The following MS4A18 variants were observed in gnomAD, a reference collection of about 807,000 sequenced individuals.
MS4A18 encodes the protein membrane spanning 4-domains A18, also known as membrane-spanning 4-domains subfamily A member 18.
A neutral mutation model predicts 13.1 loss-of-function variants in MS4A18; 27 were observed. The ratio of observed to expected loss-of-function variants is 2.06; its 90% CI spans 1.52 to 2.84. MS4A18 has a LOEUF of 2.84. Ranked by LOEUF, MS4A18 falls within the 30% of genes most tolerant of loss-of-function variation. The pLI, the probability that MS4A18 is intolerant of heterozygous loss-of-function variation, is 0.00. For synonymous variants in MS4A18, 126 were observed against 76.5 expected (o/e 1.65, Z -3.38); for missense variants, 307 against 196.4 (o/e 1.56, Z -3.37).
At chr11:60,727,869 A>T (rs1418591848), upstream of MS4A18, among the ~76,000 whole-genome samples, 1 of 152,166 alleles carries the variant, frequency 6.6e-6, no homozygotes, top group Non-Finnish European at 1.5e-5. Context: ...AGCATCAAAA[A>T]ATTAAGCAAT....
intron 2 of MS4A18, among the ~76,000 whole-genome samples, chr11:60,736,300 T>C (rs931130647): frequency 2.0e-5 from 3 of 148,360 alleles, no homozygotes; most frequent in African/African-American, 7.5e-5. Context: ...GCTCAAGATC[T>C]TCCTCCAGCA....
chr11:60,738,841 C>T, intron 3 of MS4A18, 61 bp from the exon 5 acceptor site: 2 of 693,634 alleles, frequency 2.9e-6, no homozygotes, highest in South Asian at 1.5e-5. Context: ...AGAGTCCCCA[C>T]AAGCCAGGCT....
upstream of MS4A18, among the ~76,000 whole-genome samples, chr11:60,726,017 G>A (rs1445428042): frequency 6.6e-6 from 1 of 152,198 alleles, no homozygotes; most frequent in Non-Finnish European, 1.5e-5. Flanking sequence ...CATTCATGCA[G>A]CTGAATGTTC....
upstream of MS4A18, among the ~76,000 whole-genome samples, chr11:60,728,104 T>C (rs1350935174): frequency 6.6e-6 from 1 of 152,112 alleles, no homozygotes; most frequent in Non-Finnish European, 1.5e-5. Flanking sequence ...AACACCAACA[T>C]GGACAAGACC....
chr11:60,736,254 A>C (rs1269458055), intron 2 of MS4A18, among the ~76,000 whole-genome samples: 1 of 151,588 alleles, frequency 6.6e-6, no homozygotes, highest in East Asian at 2.0e-4. Flanking sequence ...GGCTGGAATC[A>C]TTATGTATGC....
upstream of MS4A18, among the ~76,000 whole-genome samples, chr11:60,724,948 G>T (rs534279118): frequency 6.6e-6 from 1 of 152,204 alleles, no homozygotes; most frequent in Non-Finnish European, 1.5e-5. Flanking sequence ...CAAGACAGGC[G>T]TGCAGCCACC....
chr11:60,740,581 C>A (rs761440189), intron 4 of MS4A18, among the ~76,000 whole-genome samples: 6 of 152,224 alleles, frequency 3.9e-5, no homozygotes, highest in Non-Finnish European at 8.8e-5. Flanking sequence ...AGCCAGTGCA[C>A]TTGTTGAAAT....
chr11:60,743,523 A>T (rs1853436835), intron 5 of MS4A18, 127 bp from the exon 7 acceptor site: 1 of 625,334 alleles, frequency 1.6e-6, no homozygotes, highest in East Asian at 2.7e-5. Context: ...AAGTCACATG[A>T]CCAAGCCCAG....
intron 5 of MS4A18, among the ~76,000 whole-genome samples, chr11:60,741,674 A>T (rs914649269): frequency 5.3e-5 from 8 of 152,166 alleles, no homozygotes; most frequent in Non-Finnish European, 7.3e-5. Flanking sequence ...CTACAAAGTC[A>T]CCCAGCAAAG....
At chr11:60,733,208 C>T (rs563787526) in intron 1 of MS4A18, among the ~76,000 whole-genome samples, 2 of 152,244 alleles carry the variant, frequency 1.3e-5, no homozygotes, top group Non-Finnish European at 2.9e-5. Context: ...TTTTCAGCCA[C>T]AACCCGGGCT....
At chr11:60,732,971 T>C (rs1396881559) in intron 1 of MS4A18, among the ~76,000 whole-genome samples, 1 of 152,264 alleles carries the variant, frequency 6.6e-6, no homozygotes, top group African/African-American at 2.4e-5. Flanking sequence ...TAACATCGAA[T>C]GGTCTGAATC....
In MS4A18 at chr11:60,729,687, G is replaced by GAC. The variant is rs1293974866; in HGVS notation, c.379_380dup (p.Ser128ProfsTer23). On this transcript the variant is annotated frameshift_variant, in exon 1 of 6. Coordinates refer to ENST00000529108, the Ensembl canonical transcript of MS4A18. LOFTEE classifies it high-confidence loss of function. ...ATCCTCTGAATGCTAACCCTGGGCT[G>GAC]ACACACACCTCAAACTCATCCCAGT... is the stretch of plus-strand genomic sequence containing the variant. 1.4e-6 allele frequency: 1 copy of GAC among 702,736 alleles called. No individual in the cohort carries two copies. The highest frequency in any genetic ancestry group is 2.7e-5 in the East Asian group (1 of 37,288). The allele number at this position is 702,736 out of a possible 1,614,324, so 43.5% of individuals were successfully genotyped here. A position where few individuals can be genotyped will look rare whatever the true frequency, so the allele number is the denominator to read the frequency against.
upstream of MS4A18, among the ~76,000 whole-genome samples, chr11:60,725,217 G>A (rs761967200): frequency 4.6e-5 from 7 of 152,010 alleles, no homozygotes; most frequent in African/African-American, 9.7e-5. Context: ...TTTTTGAGAC[G>A]GAGTCTCGCT....
At chr11:60,738,407 T>C (rs1428955722) in intron 3 of MS4A18, among the ~76,000 whole-genome samples, 2 of 152,224 alleles carry the variant, frequency 1.3e-5, no homozygotes, top group Non-Finnish European at 2.9e-5. Context: ...GCTTGGGATC[T>C]CTGCTCACTT....
chr11:60,743,676 C>T (rs771079402), exon 6 of MS4A18: 1 of 702,934 alleles, frequency 1.4e-6, no homozygotes, highest in South Asian at 1.5e-5. Context: ...CAACCGTATT[C>T]AGTTTCAACC....
intron 4 of MS4A18, 67 bp from the exon 6 acceptor site, chr11:60,740,963 A>G (rs1286501724): frequency 4.3e-6 from 3 of 701,378 alleles, no homozygotes; most frequent in Non-Finnish European, 7.8e-6. Context: ...TGGCACTCCA[A>G]ATGTGGACTG....
chr11:60,739,535 C>T (rs1364837027), intron 4 of MS4A18, among the ~76,000 whole-genome samples: 6 of 152,142 alleles, frequency 3.9e-5, no homozygotes, highest in South Asian at 2.1e-4. Context: ...ACGTATTATC[C>T]GGCAAGGACC....
chr11:60,726,658 G>A (rs1853165369), upstream of MS4A18, among the ~76,000 whole-genome samples: 1 of 151,874 alleles, frequency 6.6e-6, no homozygotes, highest in African/African-American at 2.4e-5. Flanking sequence ...ATAGTTTGGG[G>A]TCAATTAGGA....
chr11:60,733,486 C>T (rs755789268), intron 1 of MS4A18, 48 bp from the exon 3 acceptor site: 25 of 702,726 alleles, frequency 3.6e-5, no homozygotes, highest in Non-Finnish European at 5.5e-5. Context: ...CTCCACAGCC[C>T]ACAGGCCCGC....
Sources: gnomAD v4.1 joint callset for allele counts (sites outside exome capture counted in the v4.1 genomes callset) on GRCh38, gnomAD v4.1.1 for gene constraint, MANE v1.5 for transcripts, NCBI Gene and HGNC (gene_info 2026-07-23, HGNC 2026-07-21) for gene names.